FREM2: variants seen among roughly 807,000 people sequenced by gnomAD.
The protein encoded by FREM2 is FRAS1 related extracellular matrix 2.
A neutral mutation model predicts 219.9 loss-of-function variants in FREM2; 119 were observed. The observed-to-expected ratio is 0.54, with a 90% confidence interval of 0.47 to 0.63. FREM2 has a LOEUF of 0.63. Among genes scored for constraint, FREM2 ranks in the 30% least tolerant of loss-of-function variants. The pLI, the probability that FREM2 is intolerant of heterozygous loss-of-function variation, is 0.00. For synonymous variants in FREM2, 1,562 were observed against 1,522.8 expected (o/e 1.03, Z -0.60); for missense variants, 4,030 against 3,993.6 (o/e 1.01, Z -0.25).
chr13:38,792,361 TA>T (rs1334452371), intron 6 of FREM2, among the ~76,000 whole-genome samples: 3 of 151,998 alleles, frequency 2.0e-5, no homozygotes, highest in Non-Finnish European at 4.4e-5. Context: ...AAATATATTT[TA>T]AAAAAGTCCC....
intron 6 of FREM2, among the ~76,000 whole-genome samples, chr13:38,785,733 C>T (rs373095734): frequency 9.8e-5 from 15 of 152,306 alleles, no homozygotes; most frequent in Middle Eastern, 3.4e-3. Flanking sequence ...AGGCATGGTA[C>T]TGGCTCCTCT....
intron 2 of FREM2, among the ~76,000 whole-genome samples, chr13:38,721,667 A>G (rs9603413): frequency 0.12 from 18,293 of 152,198 alleles, 1,302 homozygotes; most frequent in Admixed American, 0.21. Flanking sequence ...GCTATTTCAC[A>G]GTTCTTGTTT....
At chr13:38,852,523 C>G (rs568491265) in intron 11 of FREM2, among the ~76,000 whole-genome samples, 28 of 152,164 alleles carry the variant, frequency 1.8e-4, no homozygotes, top group Non-Finnish European at 3.2e-4. Context: ...TGATAATAAT[C>G]TATTTTAGTT....
In FREM2 at chr13:38,882,994, AC is replaced by A. The variant is rs1878599686; in HGVS notation, c.*2208del. ...TCAAGCTGGTTTTATACCAAATTTC[AC>A]TCTACAATGCATATTCTAATGAAGC... On this transcript the variant is annotated 3_prime_UTR_variant, in exon 24 of 24. Transcript: ENST00000280481. 1 of 152,072 alleles carries A rather than the reference AC, an allele frequency of 6.6e-6. No homozygotes were observed. The highest frequency in any genetic ancestry group is 1.5e-5 in the Non-Finnish European group (1 of 67,984). The allele number at this position is 152,072 out of a possible 1,614,324, so 9.4% of individuals were successfully genotyped here. A position where few individuals can be genotyped will look rare whatever the true frequency, so the allele number is the denominator to read the frequency against.
intron 6 of FREM2, among the ~76,000 whole-genome samples, chr13:38,793,317 G>A (rs557910826): frequency 9.2e-5 from 14 of 152,236 alleles, no homozygotes; most frequent in South Asian, 6.2e-4. Flanking sequence ...CCCAAACCAG[G>A]TTCAGGAAAA....
rs540541155 is a variant in FREM2 at position 38,712,774 on chromosome 13, A to G, written c.5263+14987A>G. The stretch of plus-strand genomic sequence containing the variant: ...TTTCATACTTTAGTAAGTTAATAAA[A>G]TTTTCCTGGTACTAGTGCCAAAATT... On this transcript the variant is annotated intron_variant, in intron 2 of 23. Transcript: ENST00000280481. Among the ~76,000 whole-genome samples the G allele has an allele frequency of 2.6e-5, 4 of 152,164 alleles. No individual in the cohort carries two copies. In the South Asian group the frequency reaches 8.3e-4, roughly 32 times the overall value.
intron 2 of FREM2, among the ~76,000 whole-genome samples, chr13:38,728,956 C>CT (rs1180511460): frequency 2.0e-5 from 3 of 152,196 alleles, no homozygotes; most frequent in African/African-American, 7.2e-5. Flanking sequence ...CTGCCTCAGC[C>CT]TCCCAAGTAG....
chr13:38,842,162 T>A (rs963923739), intron 6 of FREM2, among the ~76,000 whole-genome samples: 1 of 152,172 alleles, frequency 6.6e-6, no homozygotes, highest in South Asian at 2.1e-4. Context: ...AAGGGGCTAA[T>A]AGGATGTTGA....
intron 2 of FREM2, among the ~76,000 whole-genome samples, chr13:38,747,393 A>ATGTGTG (rs1491337077): frequency 1.4e-4 from 8 of 56,824 alleles, no homozygotes; most frequent in East Asian, 1.2e-3. Flanking sequence ...AGCTGATATA[A>ATGTGTG]TATGTGTGTG....
chr13:38,792,904 T>TCAA (rs1350139590), intron 6 of FREM2, among the ~76,000 whole-genome samples: 1 of 152,112 alleles, frequency 6.6e-6, no homozygotes, highest in Non-Finnish European at 1.5e-5. Context: ...TATAAGCAAA[T>TCAA]ACAGTGGTGC....
chr13:38,735,601 T>A (rs1566122161), intron 2 of FREM2, among the ~76,000 whole-genome samples: 1 of 152,252 alleles, frequency 6.6e-6, no homozygotes, highest in South Asian at 2.1e-4. Flanking sequence ...TTAAAAAAAA[T>A]GCATACTCAG....
Position 38,687,193 on chromosome 13 carries a change from T to A in FREM2, c.-152T>A. On this transcript the variant is annotated 5_prime_UTR_variant, in exon 1 of 24. Coordinates refer to ENST00000280481, the MANE Select transcript of FREM2 (RefSeq NM_207361.6). Reference sequence around the variant, plus strand: ...CAGCCCGGACGGCGCCGCGCAACTTTGCCATCCTTCTGGCCCAGCCCCGGC... The same window carrying A: ...CAGCCCGGACGGCGCCGCGCAACTTAGCCATCCTTCTGGCCCAGCCCCGGC... The A allele has an allele frequency of 9.0e-7, 1 of 1,105,536 alleles. No individual in the cohort carries two copies. Among genetic ancestry groups the A allele is most frequent in the Non-Finnish European group, 1.3e-6 (1 of 767,380 alleles). The allele number at this position is 1,105,536 out of a possible 1,614,324, so 68.5% of individuals were successfully genotyped here.
chr13:38,866,160 A>G (rs1593453680), intron 16 of FREM2, among the ~76,000 whole-genome samples: 1 of 152,148 alleles, frequency 6.6e-6, no homozygotes, highest in Non-Finnish European at 1.5e-5. Context: ...AAAATTGGAT[A>G]TAGAAATAGG....
At chr13:38,720,558 C>T (rs1418990142) in intron 2 of FREM2, among the ~76,000 whole-genome samples, 1 of 152,134 alleles carries the variant, frequency 6.6e-6, no homozygotes, top group Non-Finnish European at 1.5e-5. Context: ...ATCACACACC[C>T]TTATAAAATC....
At chr13:38,770,754 A>T (rs1430640116) in intron 4 of FREM2, among the ~76,000 whole-genome samples, 1 of 145,604 alleles carries the variant, frequency 6.9e-6, no homozygotes, top group Non-Finnish European at 1.5e-5. Flanking sequence ...ACCTTGGCTG[A>T]TGCTGGTAAA....
At chr13:38,744,203 C>CTTTTTTT (rs11308232) in intron 2 of FREM2, among the ~76,000 whole-genome samples, 2 of 51,746 alleles carry the variant, frequency 3.9e-5, no homozygotes, top group Non-Finnish European at 6.8e-5. Flanking sequence ...GAGGTAAATC[C>CTTTTTTT]TTTTTTTTTT....
At chr13:38,872,960 C>G in intron 17 of FREM2, 26 bp downstream of exon 17, 3 of 1,606,626 alleles carry the variant, frequency 1.9e-6, no homozygotes, top group East Asian at 4.5e-5. Flanking sequence ...TTGGAAAATT[C>G]TATAGTTTTG....
rs570084110 is a variant in FREM2, at chr13:38,701,738, C to T, written c.5263+3951C>T. Among the ~76,000 whole-genome samples, 68 of 152,134 alleles carry T rather than the reference C, an allele frequency of 4.5e-4. 1 individual carries two copies. The highest frequency in any genetic ancestry group is 1.6e-3 in the African/African-American group (66 of 41,518). On this transcript the variant is annotated intron_variant, in intron 2 of 23. Coordinates refer to ENST00000280481, the MANE Select transcript of FREM2 (RefSeq NM_207361.6). The stretch of plus-strand genomic sequence containing the variant: ...TTGTTAATCACTCTTCAACACCAGG[C>T]TCAAATATCATTTCCTCTCCAAAGT...
chr13:38,718,105 T>C (rs1871083993), intron 2 of FREM2, among the ~76,000 whole-genome samples: 1 of 152,222 alleles, frequency 6.6e-6, no homozygotes, highest in African/African-American at 2.4e-5. Context: ...CATATACTCA[T>C]CTGAAGCCTG....
Sources: allele counts gnomAD v4.1 joint callset (sites outside exome capture counted in the v4.1 genomes callset), GRCh38; gene constraint gnomAD v4.1.1; transcripts MANE v1.5; gene names NCBI Gene and HGNC (gene_info 2026-07-23, HGNC 2026-07-21).